Variants in FAM184B observed in about 807,000 individuals in gnomAD.
FAM184B encodes family with sequence similarity 184 member B.
In FAM184B, 111 loss-of-function variants were observed where a neutral mutation model predicts 135.9. That is an observed-to-expected ratio of 0.82 (90% CI 0.70 to 0.96). FAM184B has a LOEUF of 0.96. FAM184B is among the 40% of genes least tolerant of loss of function. The probability of loss-of-function intolerance (pLI) is 0.00; values close to 1 mark genes in which losing one functional copy is unlikely to be tolerated. For missense variants in FAM184B, 1,375 were observed against 1,323.9 expected (o/e 1.04, Z -0.60); for synonymous variants, 552 against 524.8 (o/e 1.05, Z -0.71).
chr4:17,693,447 C>T (rs1187203090), intron 5 of FAM184B, 35 bp from the exon 6 acceptor site: 1 of 1,511,648 alleles, frequency 6.6e-7, no homozygotes, highest in African/African-American at 1.4e-5. Context: ...CCATACAAGG[C>T]ACGAAAACAG....
chr4:17,739,645 C>T (rs1239689998), intron 1 of FAM184B, among the ~76,000 whole-genome samples: 3 of 147,442 alleles, frequency 2.0e-5, no homozygotes, highest in Non-Finnish European at 4.5e-5. Flanking sequence ...ACCTCTGCCT[C>T]CCAGGTTCAA....
At chr4:17,707,359 C>T (rs2108965070) in intron 3 of FAM184B, among the ~76,000 whole-genome samples, 1 of 152,260 alleles carries the variant, frequency 6.6e-6, no homozygotes, top group African/African-American at 2.4e-5. Flanking sequence ...TGAGTCAGTG[C>T]TAAGAATTTC....
intron 1 of FAM184B, among the ~76,000 whole-genome samples, chr4:17,769,947 C>G (rs531970794): frequency 6.6e-6 from 1 of 152,054 alleles, no homozygotes. Context: ...GCAGGGCAGC[C>G]GCATTAGTCT....
At chr4:17,660,168 T>TA in intron 8 of FAM184B, 81 bp from the exon 9 acceptor site, 1 of 1,492,696 alleles carries the variant, frequency 6.7e-7, no homozygotes, top group South Asian at 1.3e-5. Context: ...TGCCAGCCAC[T>TA]GTGCCTGGGA....
chr4:17,684,933 AAC>A (rs1716542347), intron 7 of FAM184B, among the ~76,000 whole-genome samples: 1 of 152,140 alleles, frequency 6.6e-6, no homozygotes, highest in Non-Finnish European at 1.5e-5. Flanking sequence ...TCAGCAAACT[AAC>A]ACACGAACAG....
At chr4:17,762,532 T>C (rs1180412333) in intron 1 of FAM184B, among the ~76,000 whole-genome samples, 2 of 152,170 alleles carry the variant, frequency 1.3e-5, no homozygotes, top group African/African-American at 4.8e-5. Context: ...GATATTGTCA[T>C]GGCAATCACT....
At position 17,639,280 on chromosome 4, in the gene FAM184B, A is replaced by C. The variant is rs1164521636; in HGVS notation, c.2636T>G (p.Leu879Arg). The C allele has an allele frequency of 6.4e-6, 10 of 1,551,628 alleles. No individual in the cohort carries two copies. The highest frequency in any genetic ancestry group is 4.4e-6 in the Non-Finnish European group (5 of 1,146,984). Residue 879 changes from leucine (L) to arginine (R), a missense_variant, in exon 14 of 18, where the codon CTC becomes CGC. Coordinates refer to ENST00000265018, the MANE Select transcript of FAM184B (RefSeq NM_015688.2). ...TTCCAGGGCAGCCAGCCGGGCCTGG[A>C]GCTGGGCCTGGGCACTACTGAAATC... Reference protein sequence around the residue: ...VADFSSAQAQLQARLAALEAE... With the variant: ...VADFSSAQAQRQARLAALEAE...
At chr4:17,683,306 C>T (rs1262962806) in intron 7 of FAM184B, among the ~76,000 whole-genome samples, 2 of 152,170 alleles carry the variant, frequency 1.3e-5, no homozygotes, top group Non-Finnish European at 2.9e-5. Context: ...ACGCACACAC[C>T]ACTGCACCCG....
chr4:17,694,179 G>A (rs979884064), intron 5 of FAM184B, among the ~76,000 whole-genome samples: 2 of 152,008 alleles, frequency 1.3e-5, no homozygotes, highest in African/African-American at 4.8e-5. Context: ...CTTGCTCCCT[G>A]CCACTCCAGG....
chr4:17,639,480 T>C lies in FAM184B; in HGVS notation c.2520-84A>G. 7.5e-6 allele frequency: 11 copies of C among 1,471,402 alleles called. 2 individuals carry two copies. In the South Asian group the frequency reaches 1.4e-4, roughly 18 times the overall value. 91.1% of individuals were successfully genotyped at this position (1,471,402 alleles called of 1,614,324 possible). A position where few individuals can be genotyped will look rare whatever the true frequency, so the allele number is the denominator to read the frequency against. ...CTCTGGGGTTTATTTCCCTCATCGC[T>C]GCCCAGTTTGGGAGATCTGGGTGGG... On this transcript the variant is annotated intron_variant, in intron 13 of 17. Transcript: ENST00000265018.
intron 1 of FAM184B, among the ~76,000 whole-genome samples, chr4:17,751,244 G>T (rs1214703141): frequency 4.1e-5 from 6 of 147,534 alleles, no homozygotes; most frequent in South Asian, 2.2e-4. Context: ...GGAGGTGGAG[G>T]TTGCAGTAAG....
intron 3 of FAM184B, 60 bp from the exon 4 acceptor site, chr4:17,705,951 G>T (rs1328482156): frequency 1.2e-5 from 19 of 1,542,946 alleles, no homozygotes; most frequent in Non-Finnish European, 1.6e-5. Flanking sequence ...CTTGTTCAAG[G>T]CTTTCTGCTG....
intron 1 of FAM184B, among the ~76,000 whole-genome samples, chr4:17,730,989 A>T (rs1717761411): frequency 6.6e-6 from 1 of 152,236 alleles, no homozygotes; most frequent in Admixed American, 6.6e-5. Context: ...GGGTATCAGT[A>T]ATGGAAGACG....
At chr4:17,730,074 GC>G (rs1228988474) in intron 1 of FAM184B, among the ~76,000 whole-genome samples, 2 of 152,214 alleles carry the variant, frequency 1.3e-5, no homozygotes, top group Non-Finnish European at 2.9e-5. Flanking sequence ...CCTTAAAGGA[GC>G]TAATGGAGCT....
At chr4:17,773,451 G>C (rs1360284314) in intron 1 of FAM184B, among the ~76,000 whole-genome samples, 1 of 152,200 alleles carries the variant, frequency 6.6e-6, no homozygotes, top group Non-Finnish European at 1.5e-5. Context: ...CTGGCACTAA[G>C]ACGCCTGCGC....
At chr4:17,692,974 C>T (rs1288206980) in intron 6 of FAM184B, among the ~76,000 whole-genome samples, 1 of 151,810 alleles carries the variant, frequency 6.6e-6, no homozygotes, top group East Asian at 1.9e-4. Context: ...GGCAAAATTG[C>T]TAAGAGCCCA....
chr4:17,720,816 T>C (rs985754314), intron 1 of FAM184B, among the ~76,000 whole-genome samples: 3 of 143,906 alleles, frequency 2.1e-5, no homozygotes, highest in Admixed American at 7.2e-5. Context: ...AACCAGGGAG[T>C]TGGAGGTTGC....
chr4:17,758,885 C>T (rs531902048), intron 1 of FAM184B, among the ~76,000 whole-genome samples: 81 of 151,772 alleles, frequency 5.3e-4, no homozygotes, highest in African/African-American at 1.8e-3. Flanking sequence ...AAAAAAAAAC[C>T]AAGTAAGCTT....
intron 4 of FAM184B, 24 bp downstream of exon 4, chr4:17,705,728 C>G: frequency 6.4e-7 from 1 of 1,551,000 alleles, no homozygotes; most frequent in Non-Finnish European, 8.7e-7. Flanking sequence ...CCTTCTCCAT[C>G]CCCAGGGCTG....
Sources: allele counts gnomAD v4.1 joint callset (sites outside exome capture counted in the v4.1 genomes callset), GRCh38; gene constraint gnomAD v4.1.1; transcripts MANE v1.5; gene names NCBI Gene and HGNC (gene_info 2026-07-23, HGNC 2026-07-21).